Variants in LCN12 observed in about 807,000 individuals in gnomAD.
The protein encoded by LCN12 is epididymal-specific lipocalin-12.
Under a neutral mutation model 23.7 loss-of-function variants are expected in LCN12, and 15 were observed. That is an observed-to-expected ratio of 0.63 (90% CI 0.42 to 0.97). The LOEUF is 0.97. Among genes scored for constraint, LCN12 ranks in the 50% least tolerant of loss-of-function variants. LCN12 has a pLI of 0.00. For missense variants in LCN12, 219 were observed against 249.6 expected (o/e 0.88, Z 0.83); for synonymous variants, 116 against 111.5 (o/e 1.04, Z -0.25).
chr9:136,951,034 C>CAG (rs1286248149), upstream of LCN12, among the ~76,000 whole-genome samples: 1 of 72,594 alleles, frequency 1.4e-5, no homozygotes, highest in Non-Finnish European at 3.1e-5. Context: ...GGGGCCTGGA[C>CAG]AGAGGCTCAC....
Position 136,954,267 on chromosome 9 carries a change from C to A in LCN12, c.550+12C>A. ...CCCAGATGTGACTGGTAACATGGTT[C>A]ACCTGCAGGCATGCTGGGCAGTAGG... On this transcript the variant is annotated intron_variant, in intron 5 of 5. Coordinates refer to ENST00000371633, the MANE Select transcript of LCN12 (RefSeq NM_178536.4). The A allele has an allele frequency of 1.3e-6, 2 of 1,558,156 alleles. No individual in the cohort carries two copies. Among genetic ancestry groups the A allele is most frequent in the South Asian group, 2.4e-5 (2 of 84,502 alleles).
chr9:136,956,024 G>T (rs755476800), downstream of LCN12, among the ~76,000 whole-genome samples: 1 of 151,954 alleles, frequency 6.6e-6, no homozygotes, highest in African/African-American at 2.4e-5. Context: ...AGACACAAAG[G>T]GTCTGAGGTC....
rs1335266924 is a variant in LCN12 at position 136,955,355 on chromosome 9, C to T, written c.551-16C>T. ...TCCCCCTTTGTCCTCCATCCCGACT[C>T]CATCTCCCCCACCAGGCTGGTCACC... is the stretch of plus-strand genomic sequence containing the variant. On this transcript the variant is annotated splice_polypyrimidine_tract_variant and intron_variant, in intron 5 of 5. Transcript: ENST00000371633. The T allele has an allele frequency of 1.9e-6, 3 of 1,612,894 alleles. No homozygotes were observed. The African/African-American group carries it at 4.0e-5, about 22-fold the overall frequency.
upstream of LCN12, chr9:136,949,467 C>T (rs1339954570): frequency 6.6e-6 from 1 of 152,272 alleles, no homozygotes; most frequent in African/African-American, 2.4e-5. Context: ...TGGGCCAGGA[C>T]TCCTCCATGT....
upstream of LCN12, among the ~76,000 whole-genome samples, chr9:136,949,207 G>A (rs1352581078): frequency 6.6e-6 from 1 of 152,180 alleles, no homozygotes; most frequent in Non-Finnish European, 1.5e-5. Flanking sequence ...TGACTGGGTG[G>A]GCAACATAGT....
upstream of LCN12, chr9:136,952,215 C>T: frequency 1.3e-6 from 1 of 766,638 alleles, no homozygotes. Flanking sequence ...CAGAGGGGCA[C>T]ACCCCCTTGG....
chr9:136,955,350 C>A, intron 5 of LCN12, 21 bp from the exon 6 acceptor site: 1 of 1,612,498 alleles, frequency 6.2e-7, no homozygotes, highest in South Asian at 1.1e-5. Flanking sequence ...TCCTCCATCC[C>A]GACTCCATCT....
At chr9:136,956,500 A>G (rs534167046), downstream of LCN12, among the ~76,000 whole-genome samples, 7 of 152,334 alleles carry the variant, frequency 4.6e-5, no homozygotes, top group South Asian at 1.5e-3. Context: ...ATCAAGTCAA[A>G]CGACACCAGC....
upstream of LCN12, among the ~76,000 whole-genome samples, chr9:136,950,540 C>T (rs1378873317): frequency 2.0e-5 from 3 of 152,182 alleles, no homozygotes; most frequent in Non-Finnish European, 2.9e-5. Flanking sequence ...GGGCTGTGTG[C>T]TGTGATCCCA....
intron 5 of LCN12, 67 bp from the exon 6 acceptor site, chr9:136,955,304 G>C: frequency 6.4e-7 from 1 of 1,567,050 alleles, no homozygotes; most frequent in Non-Finnish European, 8.7e-7. Flanking sequence ...GCCCTCCCTT[G>C]CTTCCTCCTG....
chr9:136,950,585 G>A (rs1433222066), upstream of LCN12, among the ~76,000 whole-genome samples: 1 of 152,240 alleles, frequency 6.6e-6, no homozygotes, highest in Non-Finnish European at 1.5e-5. Context: ...GACGGGCTCC[G>A]GGAGGGGTGC....
chr9:136,953,805 C>T (rs1282406599), intron 3 of LCN12, 26 bp downstream of exon 3: 34 of 1,600,804 alleles, frequency 2.1e-5, no homozygotes, highest in Middle Eastern at 1.7e-4. Flanking sequence ...GAGGGAGGGA[C>T]GGGGTGCTGG....
Position 136,952,900 on chromosome 9 carries a change from G to T in LCN12, c.123G>T (p.Gly41=), listed in dbSNP as rs1490957260. ...CACCACCGCCTCTGTAGTTCCAGGG[G>T]GAATGGTTCGTCCTGGGCCTGGCGG... is the stretch of plus-strand genomic sequence containing the variant. ...MQSFQGNQFQ[G]EWFVLGLAGN... is the part of the protein sequence containing the mutation. Residue 41 remains glycine (G), a synonymous_variant, in exon 2 of 6, where the codon GGG becomes GGT. Coordinates refer to ENST00000371633, the MANE Select transcript of LCN12 (RefSeq NM_178536.4). 7.4e-6 allele frequency: 12 copies of T among 1,612,704 alleles called. No homozygotes were observed. The East Asian group carries it at 2.7e-4, about 36-fold the overall frequency.
At chr9:136,955,327 T>C in intron 5 of LCN12, 44 bp from the exon 6 acceptor site, 1 of 1,599,550 alleles carries the variant, frequency 6.3e-7, no homozygotes, top group Non-Finnish European at 8.5e-7. Context: ...CTCTGTCCCC[T>C]GCTCCCCCTT....
rs376753665 is a variant in LCN12, at chr9:136,954,206, C to A, written c.501C>A (p.Gly167=). The A allele has an allele frequency of 2.3e-5, 36 of 1,577,508 alleles. 1 individual carries two copies. The highest frequency in any genetic ancestry group is 2.9e-5 in the Non-Finnish European group (34 of 1,161,006). The stretch of plus-strand genomic sequence containing the variant: ...CGCTGGACCAGTTCATCTGCCTGGG[C>A]AGAGCTCAGGGCCTCTCGGATGACA... ...PGTLDQFICL[G]RAQGLSDDNI... The change falls in exon 5 of 6, where the codon GGC becomes GGA. Residue 167 remains glycine, a synonymous_variant. Coordinates refer to ENST00000371633, the MANE Select transcript of LCN12 (RefSeq NM_178536.4).
At chr9:136,952,851 C>A in intron 1 of LCN12, 41 bp from the exon 2 acceptor site, 2 of 1,591,510 alleles carry the variant, frequency 1.3e-6, no homozygotes, top group Non-Finnish European at 1.7e-6. Flanking sequence ...CCCACTGCCA[C>A]CCCTGCCCAC....
chr9:136,952,858 C>G (rs775138082), intron 1 of LCN12, 34 bp from the exon 2 acceptor site: 1 of 1,586,962 alleles, frequency 6.3e-7, no homozygotes, highest in South Asian at 1.1e-5. Context: ...CCACCCCTGC[C>G]CACCGCCGCC....
At chr9:136,949,859 C>T (rs1171880503), upstream of LCN12, among the ~76,000 whole-genome samples, 1 of 152,190 alleles carries the variant, frequency 6.6e-6, no homozygotes, top group Non-Finnish European at 1.5e-5. Context: ...TCCCTCCCGC[C>T]TCTCAAGGAC....
chr9:136,953,075 G>T (rs376495326), intron 2 of LCN12, 47 bp downstream of exon 2: 2 of 1,606,582 alleles, frequency 1.2e-6, no homozygotes, highest in Non-Finnish European at 1.7e-6. Flanking sequence ...AGGATCCCGG[G>T]CCTGGGTCCC....
Sources: gnomAD v4.1 joint callset for allele counts (sites outside exome capture counted in the v4.1 genomes callset) on GRCh38, gnomAD v4.1.1 for gene constraint, MANE v1.5 for transcripts, NCBI Gene and HGNC (gene_info 2026-07-23, HGNC 2026-07-21) for gene names.